LUZP2: variants seen among roughly 807,000 people sequenced by gnomAD.
The protein encoded by LUZP2 is leucine zipper protein 2.
A neutral mutation model predicts 51.6 loss-of-function variants in LUZP2; 52 were observed. The ratio of observed to expected loss-of-function variants is 1.01; its 90% CI spans 0.81 to 1.27. LUZP2 has a LOEUF of 1.27. Ranked by LOEUF, LUZP2 falls within the 50% of genes most tolerant of loss-of-function variation. The pLI, the probability that LUZP2 is intolerant of heterozygous loss-of-function variation, is 0.00. For missense variants in LUZP2, 436 were observed against 395.4 expected, an observed-to-expected ratio of 1.10 and a Z score of -0.87; for synonymous variants, 154 against 137.3, an observed-to-expected ratio of 1.12 and a Z score of -0.85.
intron 5 of LUZP2, among the ~76,000 whole-genome samples, chr11:24,865,726 ATGTGTG>A (rs869305716): frequency 5.2e-5 from 5 of 96,406 alleles, no homozygotes; most frequent in East Asian, 4.4e-4. Context: ...ATATATATAT[ATGTGTG>A]TGTGTGTGTG....
At chr11:24,610,826 T>A (rs1854093158) in intron 1 of LUZP2, among the ~76,000 whole-genome samples, 1 of 152,094 alleles carries the variant, frequency 6.6e-6, no homozygotes, top group Non-Finnish European at 1.5e-5. Context: ...GTGCCTGTAG[T>A]CCCAGCTACT....
intron 9 of LUZP2, among the ~76,000 whole-genome samples, chr11:25,040,487 T>G (rs898536491): frequency 6.6e-6 from 1 of 151,820 alleles, no homozygotes; most frequent in Non-Finnish European, 1.5e-5. Flanking sequence ...ACAATACCTA[T>G]TAAGGTGGAA....
chr11:24,729,499 G>A, intron 2 of LUZP2, among the ~76,000 whole-genome samples: 1 of 151,936 alleles, frequency 6.6e-6, no homozygotes, highest in Non-Finnish European at 1.5e-5. Context: ...GGAAAATTGT[G>A]TTCTTGGCAG....
chr11:24,925,702 C>A (rs891848055), intron 7 of LUZP2, among the ~76,000 whole-genome samples: 2 of 151,470 alleles, frequency 1.3e-5, no homozygotes, highest in Non-Finnish European at 2.9e-5. Context: ...CTAAAAGTAT[C>A]GAAATTTATT....
intron 6 of LUZP2, 62 bp downstream of exon 6, chr11:24,906,115 T>C: frequency 8.0e-7 from 1 of 1,252,196 alleles, no homozygotes; most frequent in Non-Finnish European, 1.2e-6. Flanking sequence ...TGTCAGATTT[T>C]TGTTCAACTC....
intron 7 of LUZP2, among the ~76,000 whole-genome samples, chr11:24,962,331 G>T (rs1855436848): frequency 6.6e-6 from 1 of 152,178 alleles, no homozygotes; most frequent in Admixed American, 6.5e-5. Context: ...GATTGGGGAA[G>T]TTCTCCTGGA....
intron 3 of LUZP2, among the ~76,000 whole-genome samples, chr11:24,732,901 C>A (rs1458974208): frequency 2.6e-5 from 4 of 151,678 alleles, no homozygotes; most frequent in African/African-American, 9.7e-5. Context: ...CAAATTGTTG[C>A]TCAGAGTGCT....
intron 5 of LUZP2, among the ~76,000 whole-genome samples, chr11:24,832,422 G>A (rs1332082988): frequency 6.6e-6 from 1 of 151,752 alleles, no homozygotes; most frequent in African/African-American, 2.4e-5. Flanking sequence ...AACTATAACA[G>A]GTTTTATTTT....
intron 1 of LUZP2, among the ~76,000 whole-genome samples, chr11:24,634,213 G>A (rs1033325764): frequency 1.3e-5 from 2 of 151,830 alleles, no homozygotes; most frequent in South Asian, 4.1e-4. Context: ...GAACTTAAAG[G>A]CAAAATATTG....
chr11:24,887,388 A>G (rs1852703416), intron 5 of LUZP2, among the ~76,000 whole-genome samples: 2 of 152,204 alleles, frequency 1.3e-5, no homozygotes. Context: ...AGCACATGGC[A>G]ACTGGCACTA....
intron 1 of LUZP2, among the ~76,000 whole-genome samples, chr11:24,640,893 C>T (rs1855254991): frequency 6.6e-6 from 1 of 151,200 alleles, no homozygotes. Context: ...TACTGCTTGT[C>T]CTAAGGAAAG....
chr11:24,521,130 C>G (rs1401651166), intron 1 of LUZP2, among the ~76,000 whole-genome samples: 1 of 152,098 alleles, frequency 6.6e-6, no homozygotes. Flanking sequence ...GTGTGCGGAT[C>G]ACCTGAGGTC....
intron 9 of LUZP2, among the ~76,000 whole-genome samples, chr11:25,034,179 G>T (rs1857782411): frequency 6.6e-6 from 1 of 152,074 alleles, no homozygotes; most frequent in Admixed American, 6.6e-5. Context: ...TATGATTAAT[G>T]ATGCTGAGCA....
intron 8 of LUZP2, 87 bp from the exon 9 acceptor site, chr11:24,983,039 G>C (rs918764563): frequency 3.0e-6 from 4 of 1,315,276 alleles, no homozygotes; most frequent in African/African-American, 3.0e-5. Context: ...TTTGTGGGGA[G>C]TATAGGCTAA....
At chr11:24,835,452 G>T (rs180721971) in intron 5 of LUZP2, among the ~76,000 whole-genome samples, 57 of 152,218 alleles carry the variant, frequency 3.7e-4, no homozygotes, top group Non-Finnish European at 7.1e-4. Flanking sequence ...AGCCAAAATT[G>T]ACAAATTGGG....
chr11:24,636,305 A>G (rs1462635516), intron 1 of LUZP2, among the ~76,000 whole-genome samples: 2 of 152,150 alleles, frequency 1.3e-5, no homozygotes, highest in Admixed American at 6.6e-5. Flanking sequence ...TGGTAAAAAC[A>G]TTCCCTATTC....
At chr11:24,522,801 A>G (rs921491825) in intron 1 of LUZP2, among the ~76,000 whole-genome samples, 1 of 152,142 alleles carries the variant, frequency 6.6e-6, no homozygotes, top group Non-Finnish European at 1.5e-5. Context: ...ACTATGAATA[A>G]AAAAGATTTA....
intron 1 of LUZP2, among the ~76,000 whole-genome samples, chr11:24,692,468 A>G (rs910415098): frequency 1.3e-5 from 2 of 152,090 alleles, no homozygotes; most frequent in Non-Finnish European, 2.9e-5. Context: ...GTTTTCAAAG[A>G]AAGAAAAGTA....
At chr11:24,685,801 A>G (rs7481607) in intron 1 of LUZP2, among the ~76,000 whole-genome samples, 27,914 of 152,148 alleles carry the variant, frequency 0.18, 2,658 homozygotes, top group East Asian at 0.32. Flanking sequence ...AACAACAATT[A>G]TTTATGTTAT....
Sources: gnomAD v4.1 joint callset for allele counts (sites outside exome capture counted in the v4.1 genomes callset) on GRCh38, gnomAD v4.1.1 for gene constraint, MANE v1.5 for transcripts, NCBI Gene and HGNC (gene_info 2026-07-23, HGNC 2026-07-21) for gene names.